MASP1: variants seen among roughly 807,000 people sequenced by gnomAD.
MASP1 encodes mannan-binding lectin serine protease 1.
Under a neutral mutation model 77.1 loss-of-function variants are expected in MASP1, and 59 were observed. The observed-to-expected ratio is 0.77, with a 90% CI of 0.62 to 0.95. The LOEUF is 0.95. Ranked by LOEUF, MASP1 falls within the 40% of genes least tolerant of loss-of-function variation. MASP1 has a pLI of 0.00. For missense variants in MASP1, 885 were observed against 912.9 expected (o/e 0.97, Z 0.39); for synonymous variants, 362 against 354.5 (o/e 1.02, Z -0.24).
rs1713848408 is a variant in MASP1 at position 187,243,702 on chromosome 3, T to C, written c.1091-81A>G. ...ATCTGATGGATCTATCTCATGCAGA[T>C]GTACAGGTTGTGCACTGCACACAAT... On this transcript the variant is annotated intron_variant, in intron 8 of 10. Coordinates refer to ENST00000296280, the MANE Select transcript of MASP1 (RefSeq NM_139125.4). 3.3e-6 allele frequency: 5 copies of C among 1,529,260 alleles called. No individual in the cohort carries two copies. The Admixed American group carries it at 8.3e-5, about 26-fold the overall frequency. The allele number at this position is 1,529,260 out of a possible 1,614,324, so 94.7% of individuals were successfully genotyped here. A position where few individuals can be genotyped will look rare whatever the true frequency, so the allele number is the denominator to read the frequency against.
chr3:187,245,854 C>T (rs1330757436), intron 8 of MASP1, among the ~76,000 whole-genome samples: 1 of 152,234 alleles, frequency 6.6e-6, no homozygotes, highest in African/African-American at 2.4e-5. Context: ...CTTGTTGCCA[C>T]TTATTTTTCT....
chr3:187,282,387 C>T (rs1717493632), intron 2 of MASP1, among the ~76,000 whole-genome samples: 1 of 146,062 alleles, frequency 6.8e-6, no homozygotes, highest in Admixed American at 6.9e-5. Flanking sequence ...GTCCCAGCTG[C>T]TCAGGAGGCT....
intron 14 of MASP1, chr3:187,223,031 C>T: frequency 2.6e-6 from 3 of 1,140,510 alleles, no homozygotes; most frequent in Non-Finnish European, 4.0e-6. Flanking sequence ...CCAACCCCCA[C>T]CCAAGCCTCA....
chr3:187,263,893 C>T (rs570024588), intron 2 of MASP1, among the ~76,000 whole-genome samples: 50 of 152,210 alleles, frequency 3.3e-4, no homozygotes, highest in African/African-American at 1.2e-3. Flanking sequence ...AAATTCTTGA[C>T]GTATCTATTC....
chr3:187,243,364 T>A (rs760076094), intron 9 of MASP1, 120 bp downstream of exon 9: 30 of 1,018,264 alleles, frequency 2.9e-5, no homozygotes, highest in Non-Finnish European at 4.5e-5. Flanking sequence ...CGTTTTGCAT[T>A]ATCAGGCTCT....
chr3:187,267,551 G>A (rs1356420448), intron 2 of MASP1, among the ~76,000 whole-genome samples: 1 of 152,236 alleles, frequency 6.6e-6, no homozygotes, highest in East Asian at 1.9e-4. Context: ...AGAAAGAAAT[G>A]TGTAGATGTG....
intron 8 of MASP1, chr3:187,244,441 G>T (rs907286332): frequency 6.6e-6 from 1 of 152,224 alleles, no homozygotes; most frequent in Non-Finnish European, 1.5e-5. Flanking sequence ...CATATCAGAG[G>T]CTCTGGACCC....
At position 187,236,089 on chromosome 3, in the gene MASP1, G is replaced by T. The variant is rs752613554; in HGVS notation, c.1782C>A (p.Gly594=). 6.2e-7 allele frequency: 1 copy of T among 1,613,976 alleles called. No individual in the cohort carries two copies. The highest frequency in any genetic ancestry group is 1.7e-5 in the Admixed American group (1 of 60,016). The part of the protein sequence containing the change: ...PHMLGLVAGW[G]ISNPNVTVDE... ...CCACTGTCACATTGGGATTGGAGAT[G>T]CCCCAGCCGGCCACCAGGCCCAGCA... Residue 594 remains glycine (G), a synonymous_variant, in exon 11 of 11, where the codon GGC becomes GGA. Transcript: ENST00000296280.
intron 13 of MASP1, among the ~76,000 whole-genome samples, chr3:187,225,110 A>T (rs1380722987): frequency 6.6e-6 from 1 of 152,102 alleles, no homozygotes; most frequent in South Asian, 2.1e-4. Flanking sequence ...TTGTTTTTCT[A>T]TCTGGACCCT....
At position 187,234,564 on chromosome 3, in the gene MASP1, G is replaced by A; in HGVS notation, c.*1120C>T. ...CCTGGCTCTTTTCACTGCCTGCCAT[G>A]GGTGAGCCTCTGATTCCTTTGACTC... On this transcript the variant is annotated 3_prime_UTR_variant, in exon 11 of 11. Transcript: ENST00000296280. 1 of 1,287,236 alleles carries A rather than the reference G, an allele frequency of 7.8e-7. No individual in the cohort carries two copies. The highest frequency in any genetic ancestry group is 1.0e-6 in the Non-Finnish European group (1 of 988,692). The allele number at this position is 1,287,236 out of a possible 1,614,324, so 79.7% of individuals were successfully genotyped here. A position where few individuals can be genotyped will look rare whatever the true frequency, so the allele number is the denominator to read the frequency against.
exon 16 of MASP1, chr3:187,219,966 A>AG: frequency 6.7e-6 from 8 of 1,189,994 alleles, no homozygotes; most frequent in Non-Finnish European, 9.8e-6. Context: ...AGGCCGAAGG[A>AG]GGGGGGATGG....
At chr3:187,245,313 C>T (rs141923410) in intron 8 of MASP1, among the ~76,000 whole-genome samples, 8 of 152,262 alleles carry the variant, frequency 5.3e-5, no homozygotes, top group African/African-American at 1.9e-4. Flanking sequence ...TCACTCATCT[C>T]CCTTAACTTT....
At chr3:187,220,500 T>TC (rs1242988523) in intron 15 of MASP1, among the ~76,000 whole-genome samples, 2 of 142,360 alleles carry the variant, frequency 1.4e-5, no homozygotes, top group Non-Finnish European at 3.0e-5. Context: ...TTCTTTCTTT[T>TC]TTTTTTTTTT....
In MASP1 at chr3:187,243,569, A is replaced by G. The variant is rs141985299; in HGVS notation, c.1143T>C (p.Ser381=). The G allele has an allele frequency of 2.0e-4, 326 of 1,614,150 alleles. 1 individual carries two copies. The Middle Eastern group carries it at 7.1e-3, about 35-fold the overall frequency. Residue 381 remains serine (S), a synonymous_variant, in exon 9 of 11, where the codon TCT becomes TCC. Transcript: ENST00000296280. ...GELEHGLITF[S]TRNNLTTYKS... ...TGTATGTGGTGAGGTTGTTCCTTGT[A>G]GAGAAGGTGATCAGCCCGTGTTCCA...
chr3:187,243,417 C>T, intron 9 of MASP1, 67 bp downstream of exon 9: 2 of 1,574,444 alleles, frequency 1.3e-6, no homozygotes, highest in Non-Finnish European at 1.7e-6. Flanking sequence ...TGTCTCGGCC[C>T]CCAGTCCAAC....
chr3:187,266,212 C>T (rs1290281162), intron 2 of MASP1, among the ~76,000 whole-genome samples: 1 of 152,210 alleles, frequency 6.6e-6, no homozygotes, highest in Non-Finnish European at 1.5e-5. Flanking sequence ...CAACATGTGG[C>T]TGTATGTCCT....
chr3:187,225,867 T>A (rs9836265), intron 12 of MASP1, among the ~76,000 whole-genome samples: 3,707 of 152,342 alleles, frequency 0.024, 75 homozygotes, highest in Middle Eastern at 0.058. Flanking sequence ...TGAACTCCCA[T>A]GGCATTTTAT....
At chr3:187,228,190 G>A (rs902518037) in intron 11 of MASP1, among the ~76,000 whole-genome samples, 19 of 151,868 alleles carry the variant, frequency 1.3e-4, no homozygotes, top group Non-Finnish European at 2.2e-4. Flanking sequence ...GGGAGGCTGA[G>A]GCAGGAGAAT....
intron 2 of MASP1, among the ~76,000 whole-genome samples, chr3:187,273,050 C>T (rs1716652201): frequency 1.3e-5 from 2 of 152,204 alleles, no homozygotes; most frequent in Admixed American, 1.3e-4. Context: ...AACAGGACTG[C>T]TGAGATCCAT....
Sources: gnomAD v4.1 joint callset for allele counts (sites outside exome capture counted in the v4.1 genomes callset) on GRCh38, gnomAD v4.1.1 for gene constraint, MANE v1.5 for transcripts, NCBI Gene and HGNC (gene_info 2026-07-23, HGNC 2026-07-21) for gene names.